The following RSRC1 variants were observed in gnomAD, a reference collection of about 807,000 sequenced individuals.
The protein encoded by RSRC1 is arginine and serine rich coiled-coil 1.
A neutral mutation model predicts 49.1 loss-of-function variants in RSRC1; 39 were observed. The ratio of observed to expected loss-of-function variants is 0.79; its 90% CI spans 0.61 to 1.04. The LOEUF is 1.04. RSRC1 is among the 50% of genes least tolerant of loss of function. The pLI, the probability that RSRC1 is intolerant of heterozygous loss-of-function variation, is 0.00. For missense variants in RSRC1, 388 were observed against 402.4 expected, an observed-to-expected ratio of 0.96 and a Z score of 0.31; for synonymous variants, 143 against 130.8, an observed-to-expected ratio of 1.09 and a Z score of -0.63.
chr3:158,231,034 A>G (rs191811855), intron 4 of RSRC1, among the ~76,000 whole-genome samples: 1 of 151,434 alleles, frequency 6.6e-6, no homozygotes, highest in African/African-American at 2.4e-5. Flanking sequence ...TTAGAAGCCT[A>G]TTCTCGTGTT....
rs1578101979 is a variant in RSRC1 at position 158,119,728 on chromosome 3, G to GTA, written c.-2-2373_-2-2372dup. ...GATATGGACACATGTGAATTTATAT[G>GTA]TATGTACAGATATACCTTATATACA... On this transcript the variant is annotated intron_variant, in intron 1 of 9. Coordinates refer to ENST00000611884, the MANE Select transcript of RSRC1 (RefSeq NM_001271838.2). 3.4e-5 allele frequency among the ~76,000 whole-genome samples: 5 copies of GTA among 146,906 alleles called. No individual in the cohort carries two copies. The East Asian group carries it at 8.1e-4, about 24-fold the overall frequency.
chr3:158,439,070 T>C (rs916804258), intron 6 of RSRC1, among the ~76,000 whole-genome samples: 23 of 148,876 alleles, frequency 1.5e-4, no homozygotes, highest in Admixed American at 9.3e-4. Context: ...AAAATGCTCA[T>C]CATCACTGGC....
chr3:158,344,756 A>G (rs1354732825), intron 5 of RSRC1, among the ~76,000 whole-genome samples: 3 of 152,156 alleles, frequency 2.0e-5, no homozygotes, highest in East Asian at 3.9e-4. Context: ...AACAACAACA[A>G]TGTTTTGTGG....
intron 3 of RSRC1, among the ~76,000 whole-genome samples, chr3:158,184,290 A>C (rs1006713157): frequency 2.0e-4 from 30 of 151,922 alleles, no homozygotes; most frequent in African/African-American, 6.5e-4. Flanking sequence ...ATGAAAAAAA[A>C]AAAACAAAAC....
intron 6 of RSRC1, among the ~76,000 whole-genome samples, chr3:158,428,934 C>T (rs1735615492): frequency 6.6e-6 from 1 of 151,846 alleles, no homozygotes; most frequent in Non-Finnish European, 1.5e-5. Flanking sequence ...TAGCCACTAG[C>T]TTTATGCAGG....
intron 4 of RSRC1, among the ~76,000 whole-genome samples, chr3:158,265,222 A>G (rs1275672615): frequency 6.6e-6 from 1 of 152,220 alleles, no homozygotes; most frequent in African/African-American, 2.4e-5. Context: ...TTTGCACAAC[A>G]TTAAAAAATA....
At chr3:158,445,249 A>C (rs897970853) in intron 6 of RSRC1, among the ~76,000 whole-genome samples, 9 of 152,126 alleles carry the variant, frequency 5.9e-5, no homozygotes, top group Admixed American at 1.3e-4. Context: ...GACTTGGAAC[A>C]AACCCAGATG....
At chr3:158,214,374 A>G (rs1721842291) in intron 4 of RSRC1, among the ~76,000 whole-genome samples, 4 of 151,884 alleles carry the variant, frequency 2.6e-5, no homozygotes, top group South Asian at 4.1e-4. Flanking sequence ...AAGTATTGCT[A>G]GAGGATTTTT....
At chr3:158,127,295 C>T (rs1307049104) in intron 3 of RSRC1, among the ~76,000 whole-genome samples, 2 of 152,082 alleles carry the variant, frequency 1.3e-5, no homozygotes, top group South Asian at 4.1e-4. Flanking sequence ...TCTTCTATAA[C>T]TCCATAATAC....
intron 2 of RSRC1, 57 bp from the exon 3 acceptor site, chr3:158,123,808 CT>C: frequency 6.6e-7 from 1 of 1,509,884 alleles, no homozygotes; most frequent in Non-Finnish European, 9.0e-7. Context: ...AAGGTTTTTC[CT>C]TAATGCTCAT....
intron 6 of RSRC1, among the ~76,000 whole-genome samples, chr3:158,363,481 T>A (rs1333456101): frequency 6.6e-6 from 1 of 152,136 alleles, no homozygotes; most frequent in Non-Finnish European, 1.5e-5. Flanking sequence ...GCCAGGCTGG[T>A]CTTGAACACC....
chr3:158,412,256 TAAG>T (rs1195695977), intron 6 of RSRC1, among the ~76,000 whole-genome samples: 2 of 152,180 alleles, frequency 1.3e-5, no homozygotes, highest in Non-Finnish European at 2.9e-5. Flanking sequence ...GGAAGAAGGA[TAAG>T]AACCATAATA....
intron 3 of RSRC1, among the ~76,000 whole-genome samples, chr3:158,142,738 A>G (rs1716826693): frequency 6.6e-6 from 1 of 151,576 alleles, no homozygotes; most frequent in Non-Finnish European, 1.5e-5. Flanking sequence ...GCCGTTCATG[A>G]GAGATCCACC....
At chr3:158,372,205 T>A (rs1288956667) in intron 6 of RSRC1, among the ~76,000 whole-genome samples, 2 of 151,852 alleles carry the variant, frequency 1.3e-5, no homozygotes, top group Non-Finnish European at 2.9e-5. Flanking sequence ...TTGTATGTAT[T>A]GTGTTTTTAG....
At chr3:158,284,149 T>C (rs1350772045) in intron 4 of RSRC1, among the ~76,000 whole-genome samples, 1 of 151,494 alleles carries the variant, frequency 6.6e-6, no homozygotes, top group Non-Finnish European at 1.5e-5. Context: ...GGTGTTTGGT[T>C]TTTTATTCTT....
At chr3:158,473,546 G>T (rs889048716) in intron 7 of RSRC1, among the ~76,000 whole-genome samples, 4 of 151,936 alleles carry the variant, frequency 2.6e-5, no homozygotes, top group African/African-American at 9.7e-5. Context: ...ATAGCATTAG[G>T]AGATATACCT....
chr3:158,206,886 C>T (rs1185533846), intron 4 of RSRC1, among the ~76,000 whole-genome samples: 1 of 152,208 alleles, frequency 6.6e-6, no homozygotes, highest in South Asian at 2.1e-4. Flanking sequence ...TGCACTCTAG[C>T]CTGGGCGACA....
intron 3 of RSRC1, among the ~76,000 whole-genome samples, chr3:158,199,797 G>C (rs1474398707): frequency 1.3e-5 from 2 of 151,942 alleles, no homozygotes; most frequent in Non-Finnish European, 2.9e-5. Flanking sequence ...TGGATTATTT[G>C]GTTTCCATAT....
Position 158,354,850 on chromosome 3 carries a change from T to C in RSRC1, c.532-7T>C, listed in dbSNP as rs779979967. The C allele has an allele frequency of 3.2e-6, 5 of 1,547,242 alleles. No homozygotes were observed. Among genetic ancestry groups the C allele is most frequent in the Middle Eastern group, 1.7e-4 (1 of 5,910 alleles). ...TATGGTTGAATTTTTTTTTTTTTCT[T>C]TTTTAGCCACCAGCTGAACAGGCCA... On this transcript the variant is annotated splice_region_variant and splice_polypyrimidine_tract_variant and intron_variant, in intron 5 of 9. Coordinates refer to ENST00000611884, the MANE Select transcript of RSRC1 (RefSeq NM_001271838.2).
Sources: gnomAD v4.1 joint callset for allele counts (sites outside exome capture counted in the v4.1 genomes callset) on GRCh38, gnomAD v4.1.1 for gene constraint, MANE v1.5 for transcripts, NCBI Gene and HGNC (gene_info 2026-07-23, HGNC 2026-07-21) for gene names.